The following TFEC variants were observed in gnomAD, a reference collection of about 807,000 sequenced individuals.
The protein encoded by TFEC is class E basic helix-loop-helix protein 34.
TFEC carries 31 observed loss-of-function variants against 41.6 expected under a neutral mutation model. The ratio of observed to expected loss-of-function variants is 0.74; its 90% confidence interval spans 0.56 to 1.01. The LOEUF (loss-of-function observed/expected upper bound fraction) is 1.01. Among genes scored for constraint, TFEC ranks in the 50% least tolerant of loss-of-function variants. The pLI is 0.00. For missense variants in TFEC, 402 were observed against 404.1 expected (o/e 0.99, Z 0.04); for synonymous variants, 143 against 140.6 (o/e 1.02, Z -0.12).
intron 1 of TFEC, among the ~76,000 whole-genome samples, chr7:116,143,440 T>G (rs1355799430): frequency 6.6e-6 from 1 of 152,082 alleles, no homozygotes; most frequent in Non-Finnish European, 1.5e-5. Context: ...GCAGAGGATA[T>G]GAGGGTTAAT....
chr7:116,110,815 C>G (rs1797837187), exon 3 of TFEC: 2 of 1,548,196 alleles, frequency 1.3e-6, no homozygotes, highest in Admixed American at 3.9e-5. Flanking sequence ...GTTCTATGGG[C>G]ACTGATTTCC....
intron 2 of TFEC, among the ~76,000 whole-genome samples, chr7:115,980,421 C>T (rs1002652242): frequency 1.3e-5 from 2 of 152,104 alleles, no homozygotes; most frequent in African/African-American, 4.8e-5. Flanking sequence ...CTACTTCTGG[C>T]CTACTTTTCA....
chr7:116,060,612 A>C (rs4424200), intron 3 of TFEC, among the ~76,000 whole-genome samples: 90,819 of 151,980 alleles, frequency 0.6, 27,439 homozygotes, highest in East Asian at 0.74. Context: ...AACTCAGGAA[A>C]AGAAACCAAA....
At chr7:115,988,394 T>A (rs534336834) in intron 1 of TFEC, among the ~76,000 whole-genome samples, 72 of 151,880 alleles carry the variant, frequency 4.7e-4, no homozygotes, top group Non-Finnish European at 9.1e-4. Context: ...CAAAAAGGAA[T>A]ACAAAAATCA....
At chr7:115,984,598 T>C (rs375636501) in intron 1 of TFEC, 85 bp from the exon 2 acceptor site, 1 of 1,464,562 alleles carries the variant, frequency 6.8e-7, no homozygotes, top group Non-Finnish European at 9.2e-7. Context: ...ACTAGGATAA[T>C]AAACACACTA....
upstream of TFEC, among the ~76,000 whole-genome samples, chr7:116,031,581 T>C (rs957006237): frequency 6.6e-6 from 1 of 152,182 alleles, no homozygotes; most frequent in African/African-American, 2.4e-5. Flanking sequence ...GTCTTACCTA[T>C]ATTTTAAAAA....
chr7:116,065,204 A>T (rs1205140683), intron 3 of TFEC, among the ~76,000 whole-genome samples: 1 of 152,170 alleles, frequency 6.6e-6, no homozygotes, highest in African/African-American at 2.4e-5. Context: ...TCATTTTACA[A>T]TGCAGCTAAC....
chr7:116,067,799 G>A (rs760686751), intron 3 of TFEC, among the ~76,000 whole-genome samples: 13 of 151,612 alleles, frequency 8.6e-5, no homozygotes, highest in Non-Finnish European at 1.5e-4. Flanking sequence ...ATTCCTCTTC[G>A]GCCTAATAAT....
intron 3 of TFEC, among the ~76,000 whole-genome samples, chr7:116,108,508 C>T (rs1285963562): frequency 2.6e-5 from 4 of 152,072 alleles, no homozygotes; most frequent in Admixed American, 1.3e-4. Context: ...TTTTTCATAT[C>T]TGTACCTTTA....
chr7:115,977,236 G>T (rs1013424021), intron 2 of TFEC, among the ~76,000 whole-genome samples: 5 of 151,876 alleles, frequency 3.3e-5, no homozygotes, highest in Non-Finnish European at 7.4e-5. Flanking sequence ...TTACAAACCC[G>T]CAAGTAAGCA....
At chr7:116,145,671 C>A (rs932883984) in intron 1 of TFEC, among the ~76,000 whole-genome samples, 1 of 152,172 alleles carries the variant, frequency 6.6e-6, no homozygotes, top group Non-Finnish European at 1.5e-5. Context: ...TTCAGACATA[C>A]TCTCAGGAAC....
intron 3 of TFEC, among the ~76,000 whole-genome samples, chr7:116,099,550 G>A (rs538914239): frequency 1.3e-5 from 2 of 152,272 alleles, no homozygotes; most frequent in South Asian, 4.1e-4. Flanking sequence ...CTTGCTTTTA[G>A]ATCCACATAT....
chr7:116,077,361 G>GA (rs1032231951), intron 3 of TFEC, among the ~76,000 whole-genome samples: 1 of 151,668 alleles, frequency 6.6e-6, no homozygotes, highest in Admixed American at 6.6e-5. Context: ...ATAACACAAT[G>GA]AAAAAAATAA....
At chr7:116,113,624 A>C (rs1306681188) in intron 1 of TFEC, among the ~76,000 whole-genome samples, 1 of 152,032 alleles carries the variant, frequency 6.6e-6, no homozygotes, top group African/African-American at 2.4e-5. Flanking sequence ...GGAGGATTAT[A>C]ATAAAGCATA....
At chr7:116,131,192 A>G (rs2116311757) in intron 1 of TFEC, among the ~76,000 whole-genome samples, 1 of 152,348 alleles carries the variant, frequency 6.6e-6, no homozygotes, top group South Asian at 2.1e-4. Context: ...TGGAAAACAG[A>G]TGTGACTGCA....
At chr7:116,094,642 T>C (rs1339325096) in intron 3 of TFEC, among the ~76,000 whole-genome samples, 1 of 152,146 alleles carries the variant, frequency 6.6e-6, no homozygotes, top group Admixed American at 6.5e-5. Context: ...ATTGAGCCAC[T>C]GCACTCCCGC....
chr7:116,128,864 T>A (rs2116288077), intron 1 of TFEC, among the ~76,000 whole-genome samples: 1 of 152,218 alleles, frequency 6.6e-6, no homozygotes, highest in South Asian at 2.1e-4. Context: ...CAAATAGGGA[T>A]TTTTAGAAAG....
intron 5 of TFEC, among the ~76,000 whole-genome samples, chr7:115,953,656 A>G (rs1001152313): frequency 2.6e-5 from 4 of 152,006 alleles, no homozygotes; most frequent in African/African-American, 9.7e-5. Flanking sequence ...CATAATCTGG[A>G]CCAAAGTTAT....
chr7:115,943,952 TA>T (rs1257793206), intron 6 of TFEC, among the ~76,000 whole-genome samples: 53 of 134,676 alleles, frequency 3.9e-4, no homozygotes, highest in African/African-American at 1.2e-3. Context: ...TTAAAAGCAT[TA>T]AAAAATAATT....
Sources: allele counts gnomAD v4.1 joint callset (sites outside exome capture counted in the v4.1 genomes callset), GRCh38; gene constraint gnomAD v4.1.1; transcripts MANE v1.5; gene names NCBI Gene and HGNC (gene_info 2026-07-23, HGNC 2026-07-21).